Variants in UPRT observed in about 807,000 individuals in gnomAD.
UPRT encodes uracil phosphoribosyltransferase homolog, also known as RP11-311P8.3.
A neutral mutation model predicts 22.6 loss-of-function variants in UPRT; 5 were observed. That is an observed-to-expected ratio of 0.22 (90% confidence interval 0.12 to 0.47). UPRT has a LOEUF of 0.47. Ranked by LOEUF, UPRT falls within the 20% of genes least tolerant of loss-of-function variation. The pLI is 0.99. For synonymous variants in UPRT, 77 were observed against 87.7 expected (o/e 0.88, Z 0.68); for missense variants, 181 against 239.9 (o/e 0.75, Z 1.62).
At chrX:75,174,031 T>A (rs1482368432) in intron 4 of UPRT, among the ~76,000 whole-genome samples, 1 of 111,006 alleles carries the variant, frequency 9.0e-6, no homozygotes, top group Non-Finnish European at 1.9e-5. Flanking sequence ...TTGGCCAGCC[T>A]AGAAAGGGGC....
At chrX:75,263,659 A>C (rs891677054) in intron 4 of UPRT, among the ~76,000 whole-genome samples, 4 of 108,586 alleles carry the variant, frequency 3.7e-5, no homozygotes, top group Non-Finnish European at 7.7e-5. Context: ...TGATCTTTTC[A>C]AAAAACCAGC....
intron 4 of UPRT, among the ~76,000 whole-genome samples, chrX:75,242,273 A>T (rs2082490781): frequency 9.0e-6 from 1 of 111,188 alleles, no homozygotes; most frequent in African/African-American, 3.3e-5. Context: ...TTAAAATTAC[A>T]GTGCAGTGGC....
chrX:75,178,383 C>T (rs746043762), intron 4 of UPRT, among the ~76,000 whole-genome samples: 1 of 111,433 alleles, frequency 9.0e-6, no homozygotes, highest in East Asian at 2.8e-4. Context: ...CAGCGATAGG[C>T]GATGGTCTCA....
At chrX:75,297,067 A>G (rs1020279048) in intron 3 of UPRT, among the ~76,000 whole-genome samples, 2 of 111,530 alleles carry the variant, frequency 1.8e-5, no homozygotes, top group Non-Finnish European at 3.8e-5. Context: ...TTAAGGCAGA[A>G]TGGAGGCTCA....
chrX:75,293,891 A>T (rs1286423379), intron 2 of UPRT, among the ~76,000 whole-genome samples: 1 of 111,416 alleles, frequency 9.0e-6, no homozygotes, highest in African/African-American at 3.3e-5. Flanking sequence ...AATGTACAAA[A>T]ATATATATTT....
At chrX:75,231,840 T>A (rs1445554524) in intron 4 of UPRT, among the ~76,000 whole-genome samples, 2 of 111,863 alleles carry the variant, frequency 1.8e-5, no homozygotes, top group African/African-American at 6.5e-5. Context: ...TCCAGTGAAA[T>A]TAAGTTTCAT....
intron 1 of UPRT, among the ~76,000 whole-genome samples, chrX:75,157,990 A>T (rs1187004592): frequency 8.9e-6 from 1 of 112,558 alleles, no homozygotes; most frequent in Non-Finnish European, 1.9e-5. Flanking sequence ...AGGGCTGAAT[A>T]TTGCCACTGA....
At chrX:75,300,998 C>T (rs752650936) in intron 6 of UPRT, 33 bp downstream of exon 6, 1 of 1,063,789 alleles carries the variant, frequency 9.4e-7, no homozygotes, top group South Asian at 2.0e-5. Flanking sequence ...ACTAGGGCTC[C>T]ATATAGTCCT....
intron 4 of UPRT, among the ~76,000 whole-genome samples, chrX:75,236,646 A>G (rs1044441204): frequency 2.4e-4 from 27 of 112,197 alleles, no homozygotes; most frequent in African/African-American, 7.5e-4. Context: ...ATAATGCTGC[A>G]TATCTACAAC....
At chrX:75,255,476 A>C in intron 4 of UPRT, among the ~76,000 whole-genome samples, 1 of 111,737 alleles carries the variant, frequency 8.9e-6, no homozygotes, top group Non-Finnish European at 1.9e-5. Context: ...TATAGGCAAC[A>C]GATAGCACAA....
chrX:75,156,917 A>ACACG (rs1303607576), intron 1 of UPRT, among the ~76,000 whole-genome samples: 2 of 108,832 alleles, frequency 1.8e-5, no homozygotes, highest in African/African-American at 3.4e-5. Context: ...ACACACACAC[A>ACACG]CACACACACA....
intron 4 of UPRT, among the ~76,000 whole-genome samples, chrX:75,236,828 C>A (rs1445130345): frequency 8.9e-6 from 1 of 112,270 alleles, no homozygotes; most frequent in African/African-American, 3.2e-5. Flanking sequence ...AAACGTTTGA[C>A]CTAAAACCAT....
intron 4 of UPRT, among the ~76,000 whole-genome samples, chrX:75,268,006 G>A (rs770720397): frequency 5.6e-4 from 62 of 110,974 alleles, no homozygotes; most frequent in African/African-American, 1.7e-3. Context: ...AAATTAGACC[G>A]CTAGCCAGAC....
chrX:75,219,774 G>A (rs1012563858), intron 4 of UPRT, among the ~76,000 whole-genome samples: 4 of 111,321 alleles, frequency 3.6e-5, no homozygotes, highest in Admixed American at 1.9e-4. Flanking sequence ...ATAATAGCTG[G>A]AGAATTCAAC....
upstream of UPRT, among the ~76,000 whole-genome samples, chrX:75,270,870 G>A (rs1273425715): frequency 5.4e-5 from 6 of 110,625 alleles, no homozygotes; most frequent in African/African-American, 2.0e-4. Flanking sequence ...AAATCTGGAC[G>A]TTTTGCACAA....
At chrX:75,233,523 G>A (rs1161233736) in intron 4 of UPRT, among the ~76,000 whole-genome samples, 1 of 110,231 alleles carries the variant, frequency 9.1e-6, no homozygotes, top group East Asian at 2.8e-4. Context: ...AAAATGTGAA[G>A]GGCAGCCAGA....
chrX:75,186,909 T>C (rs1241639692), intron 4 of UPRT, among the ~76,000 whole-genome samples: 3 of 111,812 alleles, frequency 2.7e-5, no homozygotes, highest in African/African-American at 6.5e-5. Context: ...TTTGAGCCTA[T>C]GTGTGTCTCT....
At chrX:75,196,334 T>C (rs937528866) in intron 4 of UPRT, among the ~76,000 whole-genome samples, 3 of 111,686 alleles carry the variant, frequency 2.7e-5, no homozygotes, top group Non-Finnish European at 5.6e-5. Context: ...CCCAGGTAAA[T>C]GAGTTTTTAA....
At chrX:75,186,976 A>T (rs1389517468) in intron 4 of UPRT, among the ~76,000 whole-genome samples, 1 of 111,554 alleles carries the variant, frequency 9.0e-6, no homozygotes, top group African/African-American at 3.3e-5. Context: ...CTCTTTATCC[A>T]ATTTGCCAGT....
Sources: gnomAD v4.1 joint callset for allele counts (sites outside exome capture counted in the v4.1 genomes callset) on GRCh38, gnomAD v4.1.1 for gene constraint, MANE v1.5 for transcripts, NCBI Gene and HGNC (gene_info 2026-07-23, HGNC 2026-07-21) for gene names.